SLC25A23: variants seen among roughly 807,000 people sequenced by gnomAD.
SLC25A23 encodes mitochondrial adenyl nucleotide antiporter SLC25A23.
A neutral mutation model predicts 53.9 loss-of-function variants in SLC25A23; 32 were observed. That is an observed-to-expected ratio of 0.59 (90% CI 0.45 to 0.80). SLC25A23 has a LOEUF of 0.80. SLC25A23 is among the 30% of genes least tolerant of loss of function. The pLI is 0.00. For synonymous variants in SLC25A23, 275 were observed against 264.5 expected, an observed-to-expected ratio of 1.04 and a Z score of -0.38; for missense variants, 575 against 651.4, an observed-to-expected ratio of 0.88 and a Z score of 1.28.
intron 7 of SLC25A23, among the ~76,000 whole-genome samples, chr19:6,453,770 G>A (rs1334047186): frequency 1.3e-5 from 2 of 152,108 alleles, no homozygotes; most frequent in Non-Finnish European, 2.9e-5. Flanking sequence ...TCCAAACAAG[G>A]ATAACCGACA....
At chr19:6,436,532 G>A (rs2092319658), downstream of SLC25A23, 1 of 429,790 alleles carries the variant, frequency 2.3e-6, no homozygotes, top group Admixed American at 2.8e-5. Context: ...CAATAACCAG[G>A]ATGGCAGCGA....
chr19:6,448,111 C>A (rs2092532692), intron 8 of SLC25A23, among the ~76,000 whole-genome samples: 1 of 152,128 alleles, frequency 6.6e-6, no homozygotes, highest in South Asian at 2.1e-4. Context: ...GTGGCTAATC[C>A]CTTCTGAAGC....
At chr19:6,453,803 C>G (rs2092630877) in intron 7 of SLC25A23, among the ~76,000 whole-genome samples, 178 bp downstream of exon 7, 1 of 152,232 alleles carries the variant, frequency 6.6e-6, no homozygotes, top group Non-Finnish European at 1.5e-5. Flanking sequence ...GAAATTATAT[C>G]TCAGTTGTAA....
In SLC25A23 at chr19:6,454,292, C is replaced by A; in HGVS notation, c.795+31G>T. 1 of 1,601,006 alleles carries A rather than the reference C, an allele frequency of 6.2e-7. No individual in the cohort carries two copies. The highest frequency in any genetic ancestry group is 8.5e-7 in the Non-Finnish European group (1 of 1,172,260). On this transcript the variant is annotated intron_variant, in intron 6 of 9. Transcript: ENST00000301454. This position sits in a 1 kb window ranked among gnomAD's most constrained non-coding sequence, Gnocchi z 4.3. The stretch of plus-strand genomic sequence containing the variant: ...ATGTACAGCCCAGTCTTCCCTATGG[C>A]AAGCACATTCCTCCCTGTACCTGCC...
In SLC25A23 at chr19:6,459,700, C is replaced by G. The variant is rs567205149; in HGVS notation, c.-72G>C. On this transcript the variant is annotated 5_prime_UTR_variant, in exon 1 of 10. Transcript: ENST00000301454. The surrounding 1 kb of genome is among the most constrained non-coding windows in gnomAD (Gnocchi z 4.6). ...TGGGGGCTTCGCGGCTCCCCCTCCCCCCCCGGGACCCCGCAGGGTCAGCTC... is the reference window on the plus strand; with the variant it reads ...TGGGGGCTTCGCGGCTCCCCCTCCCGCCCCGGGACCCCGCAGGGTCAGCTC... The G allele has an allele frequency of 5.9e-5, 71 of 1,195,300 alleles. No homozygotes were observed. Among genetic ancestry groups the G allele is most frequent in the African/African-American group, 8.0e-5 (5 of 62,438 alleles). 74.0% of individuals were successfully genotyped at this position (1,195,300 alleles called of 1,614,324 possible).
At position 6,459,611 on chromosome 19, in the gene SLC25A23, G is replaced by T; in HGVS notation, c.18C>A (p.Gly6=). Residue 6 remains glycine (G), a synonymous_variant, in exon 1 of 10, where the codon GGC becomes GGA. Transcript: ENST00000301454. This position sits in a 1 kb window ranked among gnomAD's most constrained non-coding sequence, Gnocchi z 4.6. ...CCCAGCGCTGCCGCCGCTCCGCGTC[G>T]CCCGGGCTCCCCCGCATGGCGCCCG... MRGSP[G]DAERRQRWGR... 1 of 1,524,958 alleles carries T rather than the reference G, an allele frequency of 6.6e-7. No homozygotes were observed. The highest frequency in any genetic ancestry group is 8.8e-7 in the Non-Finnish European group (1 of 1,142,492). The allele number at this position is 1,524,958 out of a possible 1,614,324, so 94.5% of individuals were successfully genotyped here. A position where few individuals can be genotyped will look rare whatever the true frequency, so the allele number is the denominator to read the frequency against.
In SLC25A23 at chr19:6,454,406, T is replaced by C. The variant is rs555365380; in HGVS notation, c.712A>G (p.Ile238Val). 3.9e-4 allele frequency: 630 copies of C among 1,614,200 alleles called. 5 individuals carry two copies. The South Asian group carries it at 6.6e-3, about 17-fold the overall frequency. The change falls in exon 6 of 10, where the codon ATC (isoleucine) becomes GTC (valine). Residue 238 changes from isoleucine to valine, a missense_variant. Physicochemically the swap from Ile to Val is conservative, Grantham distance 29. Transcript: ENST00000301454. The surrounding 1 kb of genome is among the most constrained non-coding windows in gnomAD (Gnocchi z 4.3). ...CCATTGCCGCGCCACAGGGAGCGGATGCCTCCCTCAAGGACCATGCTTCGA... is the reference window on the plus strand; with the variant it reads ...CCATTGCCGCGCCACAGGGAGCGGACGCCTCCCTCAAGGACCATGCTTCGA... ...GLRSMVLEGG[I>V]RSLWRGNGIN... is the part of the protein sequence containing the mutation.
chr19:6,456,660 A>G, intron 3 of SLC25A23, 129 bp from the exon 4 acceptor site: 3 of 629,266 alleles, frequency 4.8e-6, no homozygotes. Flanking sequence ...TTAGAGATGT[A>G]GCAAATATTA....
intron 8 of SLC25A23, among the ~76,000 whole-genome samples, chr19:6,448,700 A>C (rs1442861305): frequency 6.7e-6 from 1 of 150,360 alleles, no homozygotes; most frequent in East Asian, 2.1e-4. Flanking sequence ...TGATCTCTTG[A>C]TCTTGTGATC....
intron 8 of SLC25A23, among the ~76,000 whole-genome samples, chr19:6,448,225 T>C (rs1457161186): frequency 6.6e-6 from 1 of 152,208 alleles, no homozygotes; most frequent in Non-Finnish European, 1.5e-5. Flanking sequence ...CAGAAATTGC[T>C]GCCTGAAACT....
At chr19:6,456,742 C>T (rs1027810528) in intron 3 of SLC25A23, among the ~76,000 whole-genome samples, 3 of 151,990 alleles carry the variant, frequency 2.0e-5, no homozygotes, top group African/African-American at 4.8e-5. Flanking sequence ...AGCAATGGTG[C>T]GATCTCAGCT....
intron 1 of SLC25A23, among the ~76,000 whole-genome samples, chr19:6,458,931 G>A (rs972423364): frequency 4.6e-5 from 7 of 152,230 alleles, no homozygotes; most frequent in African/African-American, 1.7e-4. Context: ...GGCAGCGGGA[G>A]GAAAGTCTTG....
At chr19:6,445,605 T>G (rs1014443862) in intron 8 of SLC25A23, among the ~76,000 whole-genome samples, 6 of 152,194 alleles carry the variant, frequency 3.9e-5, no homozygotes, top group Non-Finnish European at 1.5e-5. Flanking sequence ...AACGCAGCCC[T>G]GCCAACATCT....
intron 8 of SLC25A23, among the ~76,000 whole-genome samples, chr19:6,451,512 A>C (rs2092590610): frequency 6.6e-6 from 1 of 152,236 alleles, no homozygotes; most frequent in Non-Finnish European, 1.5e-5. Flanking sequence ...CCCATGAAGC[A>C]GGCCCTGTCT....
rs1321969184 is a variant in SLC25A23, at chr19:6,458,242, T to C, written c.239A>G (p.Gln80Arg). The change falls in exon 2 of 10, where the codon CAG becomes CGG. Residue 80 changes from glutamine (Q) to arginine (R), a missense_variant. Physicochemically the swap from Gln to Arg is conservative, Grantham distance 43. Coordinates refer to ENST00000301454, the MANE Select transcript of SLC25A23 (RefSeq NM_024103.3). ...EFSRYLQEREQRLLLMFHSLD... is the reference protein window; with the variant it reads ...EFSRYLQERERRLLLMFHSLD... ...ACTGTGAAACATGAGCAGCAGACGC[T>C]GTTCCCGCTCCTGCAGATAGCGGGA... The C allele has an allele frequency of 6.2e-7, 1 of 1,613,708 alleles. No individual in the cohort carries two copies. The highest frequency in any genetic ancestry group is 8.5e-7 in the Non-Finnish European group (1 of 1,179,964).
intron 3 of SLC25A23, among the ~76,000 whole-genome samples, chr19:6,457,065 CTTT>C (rs35460136): frequency 9.1e-5 from 12 of 132,068 alleles, no homozygotes; most frequent in Non-Finnish European, 1.1e-4. Context: ...ATTTTTCTTT[CTTT>C]TTTTTTTTTT....
At chr19:6,439,399 TCACACACACACACACACA>T (rs57370920), downstream of SLC25A23, among the ~76,000 whole-genome samples, 2 of 123,988 alleles carry the variant, frequency 1.6e-5, no homozygotes, top group Admixed American at 7.8e-5. Flanking sequence ...TCTCTCTCTC[TCACACACACACACACACA>T]CACACACACA....
intron 8 of SLC25A23, among the ~76,000 whole-genome samples, chr19:6,450,859 C>T (rs1568369629): frequency 6.6e-6 from 1 of 151,986 alleles, no homozygotes; most frequent in Non-Finnish European, 1.5e-5. Context: ...GTGGGGGGAT[C>T]CCCTAAGGTC....
chr19:6,458,956 C>T (rs1448900651), intron 1 of SLC25A23, among the ~76,000 whole-genome samples: 1 of 152,184 alleles, frequency 6.6e-6, no homozygotes, highest in African/African-American at 2.4e-5. Flanking sequence ...AGGTGCATTC[C>T]CAGCTGCGGG....
Sources: gnomAD v4.1 joint callset for allele counts (sites outside exome capture counted in the v4.1 genomes callset) on GRCh38, gnomAD v4.1.1 for gene constraint, Gnocchi (gnomAD v3.1) non-coding constraint, MANE v1.5 for transcripts, NCBI Gene and HGNC (gene_info 2026-07-23, HGNC 2026-07-21) for gene names.